The following BRD4 variants were observed in gnomAD, a reference collection of about 807,000 sequenced individuals.
BRD4 encodes bromodomain containing 4.
Under a neutral mutation model 142.1 loss-of-function variants are expected in BRD4, and 16 were observed. The observed-to-expected ratio is 0.11, with a 90% CI of 0.08 to 0.17. The LOEUF is 0.17. Among genes scored for constraint, BRD4 ranks in the 10% least tolerant of loss-of-function variants. The pLI is 1.00. For missense variants in BRD4, 1,424 were observed against 1,810.9 expected (o/e 0.79, Z 3.88); for synonymous variants, 833 against 707.5 (o/e 1.18, Z -2.82).
At chr19:15,241,655 CCTGT>C (rs2047238751) in intron 14 of BRD4, among the ~76,000 whole-genome samples, 1 of 152,166 alleles carries the variant, frequency 6.6e-6, no homozygotes, top group African/African-American at 2.4e-5. Flanking sequence ...CCTTGCATCC[CCTGT>C]CTATCACCCC....
chr19:15,307,251 C>T (rs531446122), intron 1 of BRD4, among the ~76,000 whole-genome samples: 8 of 152,270 alleles, frequency 5.3e-5, no homozygotes, highest in Non-Finnish European at 7.4e-5. Flanking sequence ...GAAGTAAGAG[C>T]GCTGCAGGGT....
Position 15,237,648 on chromosome 19 carries a change from C to A in BRD4, c.*729G>T. 4.4e-6 allele frequency: 1 copy of A among 229,370 alleles called. No homozygotes were observed. The highest frequency in any genetic ancestry group is 8.6e-6 in the Non-Finnish European group (1 of 116,104). The allele number at this position is 229,370 out of a possible 1,614,324, so 14.2% of individuals were successfully genotyped here. A position where few individuals can be genotyped will look rare whatever the true frequency, so the allele number is the denominator to read the frequency against. ...AAAAAAAAGAAAAAAAAAAACGAAA[C>A]AGAAACACAGGTGGGAAGGAACTGA... On this transcript the variant is annotated 3_prime_UTR_variant, in exon 20 of 20. Transcript: ENST00000679869.
intron 1 of BRD4, among the ~76,000 whole-genome samples, chr19:15,305,113 G>A (rs770375944): frequency 2.0e-4 from 31 of 151,300 alleles, no homozygotes; most frequent in Middle Eastern, 6.8e-3. Flanking sequence ...CCACCTCCTG[G>A]GTTCAAGCGA....
chr19:15,321,203 G>A (rs376888796), intron 1 of BRD4, among the ~76,000 whole-genome samples: 15 of 151,974 alleles, frequency 9.9e-5, no homozygotes, highest in African/African-American at 2.9e-4. Context: ...CAGCCTGGGC[G>A]AAAGAGCGAG....
intron 1 of BRD4, among the ~76,000 whole-genome samples, chr19:15,291,609 C>G (rs888914255): frequency 6.6e-6 from 1 of 152,192 alleles, no homozygotes; most frequent in Non-Finnish European, 1.5e-5. Flanking sequence ...ACATTCTCCA[C>G]TGGAACATCT....
intron 1 of BRD4, among the ~76,000 whole-genome samples, chr19:15,288,432 G>A (rs1162181707): frequency 1.3e-5 from 2 of 152,094 alleles, no homozygotes; most frequent in Admixed American, 6.6e-5. Flanking sequence ...TAGAAGAAGA[G>A]GAGTGAAACA....
intron 7 of BRD4, 175 bp from the exon 8 acceptor site, chr19:15,257,348 T>C: frequency 3.3e-6 from 2 of 610,104 alleles, no homozygotes; most frequent in Non-Finnish European, 5.7e-6. Flanking sequence ...CAAGGGCCTC[T>C]GACAACTCTT....
chr19:15,258,125 G>A (rs970941782), intron 7 of BRD4, among the ~76,000 whole-genome samples: 8 of 152,174 alleles, frequency 5.3e-5, no homozygotes, highest in Admixed American at 2.0e-4. Flanking sequence ...ACTGATCATC[G>A]TGGAAACACA....
chr19:15,272,809 A>G lies in BRD4; in HGVS notation c.285+6T>C. The G allele has an allele frequency of 6.2e-7, 1 of 1,611,942 alleles. No individual in the cohort carries two copies. Among genetic ancestry groups the G allele is most frequent in the Non-Finnish European group, 8.5e-7 (1 of 1,178,770 alleles). ...GGCCACCCTGGGCCCTGCCCACACT[A>G]CTCACAGGGAGGTTCAGCTTGACGG... On this transcript the variant is annotated splice_donor_region_variant and intron_variant, in intron 2 of 19. Transcript: ENST00000679869.
intron 14 of BRD4, among the ~76,000 whole-genome samples, chr19:15,240,242 G>A (rs2047228052): frequency 6.6e-6 from 1 of 152,208 alleles, no homozygotes; most frequent in Admixed American, 6.5e-5. Flanking sequence ...TGAGTGCCCT[G>A]TGTCCCCCTG....
intron 11 of BRD4, chr19:15,253,134 GGCCAGCTCTCAGGTGGTCTGCAGCAC>G (rs2047365512): frequency 1.1e-5 from 3 of 275,370 alleles, no homozygotes; most frequent in Non-Finnish European, 2.1e-5. Context: ...GAGACCCTAG[GGCCAGCTCTCAGGTGGTCTGCAGCAC>G]GCCAGCTCAC....
chr19:15,299,721 T>C (rs1482899321), intron 1 of BRD4, among the ~76,000 whole-genome samples: 6 of 152,186 alleles, frequency 3.9e-5, no homozygotes, highest in Non-Finnish European at 5.9e-5. Flanking sequence ...TCTGTTTCCT[T>C]TTCCCTAAGG....
chr19:15,268,811 C>A (rs1307797728), intron 3 of BRD4, 94 bp downstream of exon 3: 30 of 1,454,878 alleles, frequency 2.1e-5, no homozygotes, highest in African/African-American at 4.2e-5. Flanking sequence ...CAGCCACACC[C>A]AACACCCCTG....
At chr19:15,304,218 C>T (rs974397241) in intron 1 of BRD4, among the ~76,000 whole-genome samples, 2 of 152,158 alleles carry the variant, frequency 1.3e-5, no homozygotes, top group Non-Finnish European at 2.9e-5. Flanking sequence ...CCAGGTCCCC[C>T]GGATCTCCAG....
At chr19:15,259,559 C>A (rs1272631523) in intron 7 of BRD4, among the ~76,000 whole-genome samples, 1 of 152,386 alleles carries the variant, frequency 6.6e-6, no homozygotes, top group Admixed American at 6.5e-5. Flanking sequence ...GGACTGGGAA[C>A]TGCCAGCTTC....
At chr19:15,306,026 G>A (rs1435084418) in intron 1 of BRD4, among the ~76,000 whole-genome samples, 1 of 152,206 alleles carries the variant, frequency 6.6e-6, no homozygotes, top group Non-Finnish European at 1.5e-5. Context: ...AGCCTCCAAA[G>A]AATTGAATAG....
At chr19:15,257,464 G>GCGA in intron 7 of BRD4, 1 of 480,294 alleles carries the variant, frequency 2.1e-6, no homozygotes, top group Non-Finnish European at 3.7e-6. Flanking sequence ...TGAGACCCAG[G>GCGA]CCACTAAGAC....
chr19:15,247,969 C>G (rs745907802), intron 11 of BRD4: 4 of 223,274 alleles, frequency 1.8e-5, no homozygotes, highest in Non-Finnish European at 3.6e-5. Context: ...CTGAGGAGAG[C>G]TGCCAGAGTT....
chr19:15,303,096 G>C (rs1296376905), intron 1 of BRD4, among the ~76,000 whole-genome samples: 1 of 151,764 alleles, frequency 6.6e-6, no homozygotes, highest in Non-Finnish European at 1.5e-5. Context: ...TACACTGAGA[G>C]AACAAAGCAG....
Sources: gnomAD v4.1 joint callset for allele counts (sites outside exome capture counted in the v4.1 genomes callset) on GRCh38, gnomAD v4.1.1 for gene constraint, MANE v1.5 for transcripts, NCBI Gene and HGNC (gene_info 2026-07-23, HGNC 2026-07-21) for gene names.